ROBO1: variants seen among roughly 807,000 people sequenced by gnomAD.
ROBO1 encodes roundabout guidance receptor 1, also known as roundabout homolog 1.
ROBO1 carries 149 observed loss-of-function variants against 195.9 expected under a neutral mutation model. The ratio of observed to expected loss-of-function variants is 0.76; its 90% CI spans 0.67 to 0.87. ROBO1 has a LOEUF of 0.87. ROBO1 is among the 40% of genes least tolerant of loss of function. ROBO1 has a pLI of 0.00. For missense variants in ROBO1, 1,933 were observed against 2,068.3 expected (o/e 0.93, Z 1.27); for synonymous variants, 816 against 733.2 (o/e 1.11, Z -1.82).
intron 2 of ROBO1, among the ~76,000 whole-genome samples, chr3:79,256,610 G>T (rs2082838890): frequency 6.6e-6 from 1 of 152,074 alleles, no homozygotes; most frequent in Non-Finnish European, 1.5e-5. Context: ...TTCTAAATTT[G>T]TGAATTCATC....
chr3:79,713,979 C>T (rs1010389533), intron 1 of ROBO1, among the ~76,000 whole-genome samples: 12 of 152,116 alleles, frequency 7.9e-5, no homozygotes, highest in Non-Finnish European at 1.3e-4. Context: ...CAGTACCATG[C>T]TGTTTTGGTT....
At chr3:78,778,771 C>A (rs2083580754) in intron 4 of ROBO1, among the ~76,000 whole-genome samples, 1 of 152,012 alleles carries the variant, frequency 6.6e-6, no homozygotes, top group Non-Finnish European at 1.5e-5. Flanking sequence ...AACTAAATTT[C>A]ATATAGAATC....
In ROBO1 at chr3:78,607,381, T is replaced by A. The variant is rs965839441; in HGVS notation, c.4436-340A>T. On this transcript the variant is annotated intron_variant, in intron 28 of 30. Transcript: ENST00000464233. ...GCATGCACCACCACACCTGGCTACGTTTTGTGTTTTTTGTAGAGATGGGGT... is the reference window on the plus strand; with the variant it reads ...GCATGCACCACCACACCTGGCTACGATTTGTGTTTTTTGTAGAGATGGGGT... 7 of 212,460 alleles carry A rather than the reference T, an allele frequency of 3.3e-5. No homozygotes were observed. The Admixed American group carries it at 3.7e-4, about 11-fold the overall frequency. 13.2% of individuals were successfully genotyped at this position (212,460 alleles called of 1,614,324 possible).
intron 2 of ROBO1, among the ~76,000 whole-genome samples, chr3:79,545,719 G>A (rs1038107000): frequency 2.6e-5 from 4 of 152,108 alleles, no homozygotes; most frequent in African/African-American, 9.7e-5. Flanking sequence ...CTTTATTTTA[G>A]TAGCAATTAT....
At chr3:78,898,817 G>GTA (rs968086615) in intron 4 of ROBO1, among the ~76,000 whole-genome samples, 3 of 152,078 alleles carry the variant, frequency 2.0e-5, no homozygotes, top group Non-Finnish European at 2.9e-5. Flanking sequence ...TAAATTTTGT[G>GTA]TATATATATG....
At chr3:79,613,854 T>G (rs1212447678) in intron 1 of ROBO1, among the ~76,000 whole-genome samples, 1 of 151,960 alleles carries the variant, frequency 6.6e-6, no homozygotes, top group East Asian at 1.9e-4. Context: ...AACACTAAAT[T>G]GATGAAATTT....
At chr3:79,092,459 T>C (rs2079495890) in intron 3 of ROBO1, among the ~76,000 whole-genome samples, 1 of 152,134 alleles carries the variant, frequency 6.6e-6, no homozygotes, top group Non-Finnish European at 1.5e-5. Flanking sequence ...GAAAAAGATA[T>C]AAAATTGAGA....
chr3:79,300,432 C>T (rs1041503688), intron 2 of ROBO1, among the ~76,000 whole-genome samples: 4 of 152,250 alleles, frequency 2.6e-5, no homozygotes, highest in African/African-American at 7.2e-5. Context: ...CTCGATTTCT[C>T]ACTGGGCGTT....
intron 21 of ROBO1, among the ~76,000 whole-genome samples, chr3:78,643,838 T>C (rs1259515501): frequency 2.6e-5 from 4 of 152,108 alleles, no homozygotes; most frequent in Admixed American, 6.6e-5. Flanking sequence ...GCTTTTGTCA[T>C]AGATTAGGCA....
At chr3:79,232,146 C>A (rs551656423) in intron 2 of ROBO1, among the ~76,000 whole-genome samples, 1 of 151,568 alleles carries the variant, frequency 6.6e-6, no homozygotes, top group South Asian at 2.1e-4. Flanking sequence ...TACATCAAAT[C>A]CCCTTGACAC....
intron 2 of ROBO1, among the ~76,000 whole-genome samples, chr3:79,191,595 G>A (rs2081541592): frequency 6.6e-6 from 1 of 151,366 alleles, no homozygotes; most frequent in South Asian, 2.1e-4. Context: ...TATTGTATGA[G>A]TGAGCTTTAA....
At chr3:79,616,810 C>G (rs1348773651) in intron 1 of ROBO1, among the ~76,000 whole-genome samples, 1 of 152,028 alleles carries the variant, frequency 6.6e-6, no homozygotes, top group Non-Finnish European at 1.5e-5. Flanking sequence ...CAGCTGCATC[C>G]CCACCGAAAT....
At chr3:79,480,637 T>C (rs554058930) in intron 2 of ROBO1, among the ~76,000 whole-genome samples, 41 of 152,172 alleles carry the variant, frequency 2.7e-4, no homozygotes, top group Non-Finnish European at 5.0e-4. Flanking sequence ...TGTGTGCCCA[T>C]GTTGTTGGTT....
At chr3:79,118,100 A>T (rs1279492377) in intron 3 of ROBO1, among the ~76,000 whole-genome samples, 1 of 152,190 alleles carries the variant, frequency 6.6e-6, no homozygotes, top group African/African-American at 2.4e-5. Context: ...ATCGGCATGT[A>T]CTACTTTGAA....
chr3:78,974,928 A>C (rs1366374070), intron 3 of ROBO1, among the ~76,000 whole-genome samples: 1 of 152,178 alleles, frequency 6.6e-6, no homozygotes, highest in Non-Finnish European at 1.5e-5. Context: ...ATATTAGATT[A>C]CATTTAGTCA....
At chr3:79,351,686 T>C (rs1438620700) in intron 2 of ROBO1, among the ~76,000 whole-genome samples, 3 of 152,192 alleles carry the variant, frequency 2.0e-5, no homozygotes, top group Non-Finnish European at 2.9e-5. Flanking sequence ...CTATTTGTTG[T>C]TGCAAGTTTT....
At chr3:79,653,842 G>T (rs1946083279) in intron 1 of ROBO1, among the ~76,000 whole-genome samples, 1 of 151,880 alleles carries the variant, frequency 6.6e-6, no homozygotes, top group Non-Finnish European at 1.5e-5. Context: ...TTATCAAAAG[G>T]TATAGCTGGT....
chr3:78,687,750 G>A (rs1289649290), intron 9 of ROBO1, among the ~76,000 whole-genome samples: 1 of 151,892 alleles, frequency 6.6e-6, no homozygotes, highest in African/African-American at 2.4e-5. Flanking sequence ...CCAGCCTCCA[G>A]AGTAGCTGGG....
intron 2 of ROBO1, among the ~76,000 whole-genome samples, chr3:79,189,588 C>T (rs78943671): frequency 2.2e-3 from 329 of 151,192 alleles, no homozygotes; most frequent in African/African-American, 4.2e-3. Context: ...CCCATATTCC[C>T]AAAAAAGAAA....
Sources: allele counts gnomAD v4.1 joint callset (sites outside exome capture counted in the v4.1 genomes callset), GRCh38; gene constraint gnomAD v4.1.1; transcripts MANE v1.5; gene names NCBI Gene and HGNC (gene_info 2026-07-23, HGNC 2026-07-21).